The following HIPK3 variants were observed in gnomAD, a reference collection of about 807,000 sequenced individuals.
HIPK3 encodes the protein homeodomain-interacting protein kinase 3.
Under a neutral mutation model 124.2 loss-of-function variants are expected in HIPK3, and 47 were observed. That is an observed-to-expected ratio of 0.38 (90% CI 0.30 to 0.48). HIPK3 has a LOEUF of 0.48. Ranked by LOEUF, HIPK3 falls within the 20% of genes least tolerant of loss-of-function variation. The pLI is 0.98. For synonymous variants in HIPK3, 482 were observed against 515.2 expected (o/e 0.94, Z 0.87); for missense variants, 1,286 against 1,454.3 (o/e 0.88, Z 1.88).
intron 2 of HIPK3, among the ~76,000 whole-genome samples, chr11:33,316,951 A>C (rs375457054): frequency 9.2e-5 from 14 of 152,226 alleles, no homozygotes; most frequent in African/African-American, 3.1e-4. Flanking sequence ...AAAGACTGAC[A>C]ATTTTAAACA....
chr11:33,322,077 G>C (rs1852679552), intron 2 of HIPK3, among the ~76,000 whole-genome samples: 2 of 152,056 alleles, frequency 1.3e-5, no homozygotes, highest in African/African-American at 4.8e-5. Flanking sequence ...TTGGCTCACT[G>C]CAAGCTCCGC....
At chr11:33,278,839 G>A (rs747378551) in intron 1 of HIPK3, among the ~76,000 whole-genome samples, 4 of 151,060 alleles carry the variant, frequency 2.6e-5, no homozygotes, top group African/African-American at 4.9e-5. Context: ...GCGAGACTCC[G>A]TCTCAAAAAA....
In HIPK3 at chr11:33,276,743, T is replaced by C. The variant is rs980821921; in HGVS notation, c.-2-9670T>C. Among the ~76,000 whole-genome samples the C allele has an allele frequency of 3.3e-5, 5 of 152,226 alleles. No homozygotes were observed. In the South Asian group the frequency reaches 1.0e-3, roughly 31 times the overall value. ...TTTTTTGAGATAGAGTCTCACTCTG[T>C]TGCCCAGGCTGGAGTGCAGTGGCAT... On this transcript the variant is annotated intron_variant, in intron 1 of 16. Transcript: ENST00000303296.
At chr11:33,258,807 A>T in intron 1 of HIPK3, 1 of 849,212 alleles carries the variant, frequency 1.2e-6, no homozygotes, top group Non-Finnish European at 1.4e-6. Flanking sequence ...TAACACGTTC[A>T]GGCCTTGAAC....
At position 33,351,675 on chromosome 11, in the gene HIPK3, G is replaced by A. The variant is rs748210021; in HGVS notation, c.2875G>A (p.Gly959Arg). 40 of 1,614,018 alleles carry A rather than the reference G, an allele frequency of 2.5e-5. No homozygotes were observed. Among genetic ancestry groups the A allele is most frequent in the Non-Finnish European group, 3.2e-5 (38 of 1,180,004 alleles). Residue 959 changes from glycine (G) to arginine (R), a missense_variant, in exon 15 of 17, where the codon GGG becomes AGG. By Grantham distance (125) the Gly-to-Arg change is moderately radical (BLOSUM62 -2). Coordinates refer to ENST00000303296, the MANE Select transcript of HIPK3 (RefSeq NM_005734.5). ...VDGSPTSDSS[G>R]HDSPFAESTF... is the part of the protein sequence containing the mutation. The stretch of plus-strand genomic sequence containing the variant: ...TGGCTCTCCGACATCTGACTCTTCC[G>A]GGCATGACAGTCCATTTGCAGAGAG...
intron 2 of HIPK3, among the ~76,000 whole-genome samples, chr11:33,294,440 A>C (rs1390430395): frequency 6.6e-6 from 1 of 151,726 alleles, no homozygotes. Context: ...CCACCCACCT[A>C]CCTTTTCCTA....
chr11:33,346,790 T>C (rs1205890320), intron 8 of HIPK3, among the ~76,000 whole-genome samples: 2 of 152,234 alleles, frequency 1.3e-5, no homozygotes, highest in African/African-American at 4.8e-5. Flanking sequence ...TTTATGATAA[T>C]TTTTGGAATG....
At chr11:33,333,061 G>A (rs977716980) in intron 3 of HIPK3, among the ~76,000 whole-genome samples, 2 of 152,028 alleles carry the variant, frequency 1.3e-5, no homozygotes, top group African/African-American at 2.4e-5. Context: ...ATGAGGTATC[G>A]GCCCCTATTA....
chr11:33,334,953 G>A (rs1230347769), intron 3 of HIPK3, among the ~76,000 whole-genome samples: 1 of 152,202 alleles, frequency 6.6e-6, no homozygotes, highest in African/African-American at 2.4e-5. Flanking sequence ...AGGATCTGAG[G>A]TAGGGATGGA....
chr11:33,349,032 C>A, intron 13 of HIPK3, 115 bp from the exon 14 acceptor site: 2 of 1,032,284 alleles, frequency 1.9e-6, no homozygotes, highest in Non-Finnish European at 2.8e-6. Context: ...AACTTTTTGT[C>A]CATGTAGGTC....
intron 2 of HIPK3, among the ~76,000 whole-genome samples, chr11:33,322,864 T>C (rs1047972520): frequency 3.9e-5 from 6 of 152,168 alleles, no homozygotes; most frequent in Non-Finnish European, 7.3e-5. Context: ...CACTGTTTCC[T>C]TTTTGAATAT....
intron 1 of HIPK3, among the ~76,000 whole-genome samples, chr11:33,267,016 C>T (rs1283652083): frequency 6.6e-6 from 1 of 152,110 alleles, no homozygotes; most frequent in Non-Finnish European, 1.5e-5. Flanking sequence ...TAGGCTTGCC[C>T]TTTCTAGCCA....
chr11:33,338,669 A>C (rs1348164808), intron 4 of HIPK3, 88 bp from the exon 5 acceptor site: 2 of 674,460 alleles, frequency 3.0e-6, no homozygotes, highest in East Asian at 6.1e-5. Flanking sequence ...TATTTGCCTT[A>C]GAATATTTAA....
At chr11:33,301,139 ACT>A (rs1221621099) in intron 2 of HIPK3, among the ~76,000 whole-genome samples, 11 of 152,048 alleles carry the variant, frequency 7.2e-5, no homozygotes, top group Non-Finnish European at 1.2e-4. Flanking sequence ...CAAGAAACTG[ACT>A]CTCATTAGCC....
chr11:33,348,248 C>A lies in HIPK3; in HGVS notation c.2369+20C>A. On this transcript the variant is annotated intron_variant, in intron 12 of 16. Transcript: ENST00000303296. The stretch of plus-strand genomic sequence containing the variant: ...CAGTTGGTAAGATTGTCTTTATTGC[C>A]CTTTTGATTTATTATCTACCTGTAA... 1 of 1,603,836 alleles carries A rather than the reference C, an allele frequency of 6.2e-7. No homozygotes were observed. The highest frequency in any genetic ancestry group is 2.2e-5 in the East Asian group (1 of 44,814).
chr11:33,324,306 A>G (rs1051522240), intron 2 of HIPK3, among the ~76,000 whole-genome samples: 2 of 152,218 alleles, frequency 1.3e-5, no homozygotes, highest in Non-Finnish European at 2.9e-5. Flanking sequence ...AGTTTCATCT[A>G]GATTTTAAGT....
chr11:33,301,629 A>C (rs1212416868), intron 2 of HIPK3, among the ~76,000 whole-genome samples: 1 of 151,742 alleles, frequency 6.6e-6, no homozygotes, highest in Admixed American at 6.6e-5. Flanking sequence ...TAAAAAAAAA[A>C]AAAAAAAACT....
chr11:33,342,082 G>A (rs937921424), intron 8 of HIPK3, among the ~76,000 whole-genome samples: 12 of 123,584 alleles, frequency 9.7e-5, no homozygotes, highest in Admixed American at 3.2e-4. Flanking sequence ...TAGCCTGGGC[G>A]ACAGAGTGAG....
At chr11:33,304,619 A>G (rs1852102300) in intron 2 of HIPK3, among the ~76,000 whole-genome samples, 1 of 152,174 alleles carries the variant, frequency 6.6e-6, no homozygotes, top group Non-Finnish European at 1.5e-5. Flanking sequence ...GAGAAAGGAC[A>G]TGAAGTAGGG....
Sources: allele counts gnomAD v4.1 joint callset (sites outside exome capture counted in the v4.1 genomes callset), GRCh38; gene constraint gnomAD v4.1.1; transcripts MANE v1.5; gene names NCBI Gene and HGNC (gene_info 2026-07-23, HGNC 2026-07-21).